Variants in EVL observed in about 807,000 individuals in gnomAD.
The protein encoded by EVL is Enah/Vasp-like.
In EVL, 21 loss-of-function variants were observed where a neutral mutation model predicts 59.6. That is an observed-to-expected ratio of 0.35 (90% CI 0.25 to 0.51). The LOEUF is 0.51. Ranked by LOEUF, EVL falls within the 20% of genes least tolerant of loss-of-function variation. The pLI is 0.97. For synonymous variants in EVL, 198 were observed against 203.5 expected, an observed-to-expected ratio of 0.97 and a Z score of 0.23; for missense variants, 462 against 546.6, an observed-to-expected ratio of 0.85 and a Z score of 1.54.
intron 1 of EVL, among the ~76,000 whole-genome samples, chr14:100,047,116 CTCT>C (rs1180435876): frequency 0.013 from 383 of 28,454 alleles, 5 homozygotes; most frequent in Non-Finnish European, 0.031. Context: ...AGATCTCTCT[CTCT>C]TTTTTTTTTT....
chr14:100,043,463 C>G (rs1437856984), intron 1 of EVL, among the ~76,000 whole-genome samples: 1 of 137,750 alleles, frequency 7.3e-6, no homozygotes. Context: ...GCCTGTGAGC[C>G]CAGGGTGGGG....
chr14:100,133,005 CCCTTGGAGCTGCAG>C (rs560471446), intron 8 of EVL, among the ~76,000 whole-genome samples: 138 of 152,352 alleles, frequency 9.1e-4, no homozygotes, highest in Non-Finnish European at 1.7e-3. Context: ...CACTGCTCCA[CCCTTGGAGCTGCAG>C]CCTGAGGCGC....
intron 1 of EVL, among the ~76,000 whole-genome samples, chr14:100,054,054 T>C (rs965380681): frequency 1.5e-5 from 2 of 136,274 alleles, no homozygotes; most frequent in African/African-American, 5.7e-5. Flanking sequence ...TTGGACTTTT[T>C]TTTTTTTTTT....
chr14:100,029,158 G>C (rs1448481798), intron 1 of EVL, among the ~76,000 whole-genome samples: 1 of 152,234 alleles, frequency 6.6e-6, no homozygotes, highest in African/African-American at 2.4e-5. Flanking sequence ...TCTTTGCTTA[G>C]TGTAATAGTA....
chr14:100,114,728 GT>G lies in EVL; in HGVS notation c.359-8810del, dbSNP rs1394330668. 6.6e-6 allele frequency: 1 copy of G among 152,544 alleles called. No homozygotes were observed. The allele number at this position is 152,544 out of a possible 1,614,324, so 9.4% of individuals were successfully genotyped here. On this transcript the variant is annotated intron_variant, in intron 3 of 13. Transcript: ENST00000392920. This position sits in a 1 kb window ranked among gnomAD's most constrained non-coding sequence, Gnocchi z 5.0. The stretch of plus-strand genomic sequence containing the variant: ...CCGTGCTTTGCAGAGTGAGCTGTAG[GT>G]GATGGGAGCCCCTCTCTCTCCTCCC...
rs545137771 is a variant in EVL at position 100,052,434 on chromosome 14, A to G, written c.6-32253A>G. Among the ~76,000 whole-genome samples, 14 of 152,280 alleles carry G rather than the reference A, an allele frequency of 9.2e-5. No individual in the cohort carries two copies. The East Asian group carries it at 2.5e-3, about 27-fold the overall frequency. Reference sequence around the variant, plus strand: ...TCGCAACCATTTAAATTTACCTTGAAAAATTGTAGATGTCACCTTAAAAAT... The same window carrying G: ...TCGCAACCATTTAAATTTACCTTGAGAAATTGTAGATGTCACCTTAAAAAT... On this transcript the variant is annotated intron_variant, in intron 1 of 13. Coordinates refer to the EVL transcript ENST00000402714.
At chr14:100,026,243 C>A (rs199908510) in intron 1 of EVL, among the ~76,000 whole-genome samples, 492 of 143,468 alleles carry the variant, frequency 3.4e-3, no homozygotes, top group Non-Finnish European at 4.3e-3. Context: ...AAAAAAAAAA[C>A]AAAAAAAAAA....
At chr14:100,126,221 C>T (rs1294210632) in intron 4 of EVL, among the ~76,000 whole-genome samples, 1 of 152,206 alleles carries the variant, frequency 6.6e-6, no homozygotes, top group Non-Finnish European at 1.5e-5. Context: ...GCCCTCTAGA[C>T]GAAGGCGGGC....
At chr14:100,121,684 T>C (rs1201085568) in intron 3 of EVL, among the ~76,000 whole-genome samples, 1 of 152,068 alleles carries the variant, frequency 6.6e-6, no homozygotes, top group Non-Finnish European at 1.5e-5. Flanking sequence ...GGGAGGGTGT[T>C]GGGAGGACGT....
intron 1 of EVL, chr14:100,019,373 G>T (rs1242577141): frequency 7.7e-6 from 3 of 388,538 alleles, no homozygotes; most frequent in Non-Finnish European, 1.4e-5. Context: ...TCTTTCTCTA[G>T]ACTAATCCAG....
chr14:100,063,930 C>A (rs1319005064), upstream of EVL, among the ~76,000 whole-genome samples: 1 of 152,116 alleles, frequency 6.6e-6, no homozygotes, highest in East Asian at 1.9e-4. Context: ...TAGGTAGCAA[C>A]AGATATAGGA....
intron 1 of EVL, among the ~76,000 whole-genome samples, chr14:99,986,605 A>G (rs546973226): frequency 1.8e-4 from 28 of 152,224 alleles, no homozygotes; most frequent in Non-Finnish European, 3.5e-4. Context: ...AAGTGCACAT[A>G]TGGTAATAAT....
intron 1 of EVL, among the ~76,000 whole-genome samples, chr14:100,000,580 C>T (rs937076139): frequency 6.6e-6 from 1 of 152,096 alleles, no homozygotes; most frequent in Non-Finnish European, 1.5e-5. Context: ...ATCTCCTGAC[C>T]TCGTGATCCG....
chr14:100,119,530 G>A (rs1016449525), intron 3 of EVL, among the ~76,000 whole-genome samples: 16 of 152,180 alleles, frequency 1.1e-4, no homozygotes, highest in African/African-American at 3.6e-4. Flanking sequence ...AGAAGAAAGC[G>A]CTCCACCGAG....
chr14:100,135,860 C>A, intron 8 of EVL, 45 bp from the exon 9 acceptor site: 1 of 1,584,804 alleles, frequency 6.3e-7, no homozygotes, highest in Non-Finnish European at 8.7e-7. Flanking sequence ...CCTGCCCTGG[C>A]CCCAGGTGGC....
chr14:99,998,469 G>A (rs182454164), intron 1 of EVL, among the ~76,000 whole-genome samples: 11 of 152,182 alleles, frequency 7.2e-5, no homozygotes, highest in Admixed American at 6.5e-4. Context: ...TTTTGTACAA[G>A]CATTGTTATC....
At chr14:100,119,456 C>T (rs936325898) in intron 3 of EVL, among the ~76,000 whole-genome samples, 6 of 152,206 alleles carry the variant, frequency 3.9e-5, no homozygotes, top group Non-Finnish European at 4.4e-5. Context: ...CACCACCACT[C>T]ATCCCGTATA....
chr14:100,064,995 G>A (rs145594163), upstream of EVL, among the ~76,000 whole-genome samples: 73 of 152,322 alleles, frequency 4.8e-4, no homozygotes, highest in East Asian at 0.013. Flanking sequence ...GGACTCTTCC[G>A]AGTTCTTGTA....
At chr14:100,066,296 CTT>C (rs2061928902) in intron 1 of EVL, 2 of 152,140 alleles carry the variant, frequency 1.3e-5, no homozygotes, top group Non-Finnish European at 2.9e-5. Context: ...TTATTTGAAT[CTT>C]TTAGCCGTGT....
Sources: allele counts gnomAD v4.1 joint callset (sites outside exome capture counted in the v4.1 genomes callset), GRCh38; gene constraint gnomAD v4.1.1; non-coding constraint Gnocchi (gnomAD v3.1); transcripts MANE v1.5; gene names NCBI Gene and HGNC (gene_info 2026-07-23, HGNC 2026-07-21).